GRID1: variants seen among roughly 807,000 people sequenced by gnomAD.
GRID1 encodes glutamate ionotropic receptor delta type subunit 1.
GRID1 carries 28 observed loss-of-function variants against 98.0 expected under a neutral mutation model. That is an observed-to-expected ratio of 0.29 (90% CI 0.21 to 0.39). The LOEUF is 0.39. Among genes scored for constraint, GRID1 ranks in the 10% least tolerant of loss-of-function variants. The pLI is 1.00. For missense variants in GRID1, 1,111 were observed against 1,340.5 expected (o/e 0.83, Z 2.67); for synonymous variants, 553 against 538.5 (o/e 1.03, Z -0.37).
At chr10:86,348,287 A>G (rs866954994) in intron 2 of GRID1, among the ~76,000 whole-genome samples, 2 of 152,358 alleles carry the variant, frequency 1.3e-5, no homozygotes, top group East Asian at 3.9e-4. Flanking sequence ...TCAAAGGTGC[A>G]TGTAGAAGCC....
chr10:85,902,656 T>C (rs7899922), intron 5 of GRID1, among the ~76,000 whole-genome samples: 6,849 of 151,836 alleles, frequency 0.045, 398 homozygotes, highest in African/African-American at 0.14. Flanking sequence ...GGGTATGGAG[T>C]TCTTAAATTC....
At chr10:85,735,775 G>C (rs1841873497) in intron 8 of GRID1, among the ~76,000 whole-genome samples, 2 of 151,786 alleles carry the variant, frequency 1.3e-5, no homozygotes, top group Admixed American at 1.3e-4. Context: ...GTAAATTCCT[G>C]CGAAGGGAAG....
chr10:85,852,560 G>T (rs764992550), intron 8 of GRID1, among the ~76,000 whole-genome samples: 8 of 152,238 alleles, frequency 5.3e-5, no homozygotes, highest in Admixed American at 1.3e-4. Flanking sequence ...GAGCTGGCAG[G>T]CAGGACCTAA....
At chr10:86,047,747 G>GA (rs368153285) in intron 4 of GRID1, among the ~76,000 whole-genome samples, 2 of 151,852 alleles carry the variant, frequency 1.3e-5, no homozygotes, top group East Asian at 1.9e-4. Flanking sequence ...TTTCTAGGGG[G>GA]AAAAAAATGA....
At chr10:85,901,773 C>T (rs778135759) in intron 5 of GRID1, among the ~76,000 whole-genome samples, 6 of 152,202 alleles carry the variant, frequency 3.9e-5, no homozygotes, top group Non-Finnish European at 5.9e-5. Flanking sequence ...CTTCCTCGGT[C>T]CTGCTCCCAA....
intron 12 of GRID1, chr10:85,709,030 A>T: frequency 3.3e-6 from 1 of 303,652 alleles, no homozygotes; most frequent in Non-Finnish European, 6.7e-6. Context: ...CTGCAAAGCT[A>T]AAATTGAACT....
chr10:86,203,883 ACG>A (rs1845989232), intron 3 of GRID1, among the ~76,000 whole-genome samples: 1 of 152,066 alleles, frequency 6.6e-6, no homozygotes, highest in Non-Finnish European at 1.5e-5. Flanking sequence ...GAGCCCACAC[ACG>A]GCCTCAGAAT....
chr10:86,280,265 T>A (rs547778423), intron 2 of GRID1, among the ~76,000 whole-genome samples: 1 of 152,346 alleles, frequency 6.6e-6, no homozygotes, highest in South Asian at 2.1e-4. Flanking sequence ...TTTAAAATTT[T>A]AAAAATATGA....
At chr10:85,682,852 G>T (rs756356000) in intron 12 of GRID1, among the ~76,000 whole-genome samples, 4 of 152,228 alleles carry the variant, frequency 2.6e-5, no homozygotes, top group Non-Finnish European at 5.9e-5. Flanking sequence ...AAGCCTGCCT[G>T]TTGTGAGAAT....
At chr10:86,169,744 CAGA>C (rs1404529547) in intron 3 of GRID1, among the ~76,000 whole-genome samples, 1 of 152,214 alleles carries the variant, frequency 6.6e-6, no homozygotes, top group Non-Finnish European at 1.5e-5. Flanking sequence ...CAGGAGTCCC[CAGA>C]AGATGTCCCA....
At chr10:86,352,146 C>T (rs1848472432) in intron 2 of GRID1, among the ~76,000 whole-genome samples, 1 of 152,216 alleles carries the variant, frequency 6.6e-6, no homozygotes, top group African/African-American at 2.4e-5. Flanking sequence ...ACTAAAAATA[C>T]AGCTCAGCAT....
intron 2 of GRID1, among the ~76,000 whole-genome samples, chr10:86,337,781 C>T (rs10788491): frequency 0.96 from 140,853 of 147,394 alleles, 67,398 homozygotes; most frequent in East Asian, 1. Flanking sequence ...GATCTCGGCT[C>T]ACTGAAACCT....
intron 4 of GRID1, among the ~76,000 whole-genome samples, chr10:86,132,721 A>G (rs1340025999): frequency 2.0e-5 from 3 of 152,248 alleles, no homozygotes; most frequent in Non-Finnish European, 1.5e-5. Flanking sequence ...CTATAAATGT[A>G]TTAAAAAGCA....
chr10:85,957,884 C>T (rs1986508), intron 4 of GRID1, among the ~76,000 whole-genome samples: 15,075 of 152,242 alleles, frequency 0.099, 1,656 homozygotes, highest in African/African-American at 0.27. Flanking sequence ...GGAAAGGCAG[C>T]CTCTGCAAAC....
chr10:85,747,667 G>T (rs1590215364), intron 8 of GRID1, among the ~76,000 whole-genome samples: 1 of 152,248 alleles, frequency 6.6e-6, no homozygotes, highest in Middle Eastern at 3.4e-3. Flanking sequence ...CAATAATAAA[G>T]CCTACACCAG....
At chr10:85,707,572 A>G (rs945835624) in intron 12 of GRID1, among the ~76,000 whole-genome samples, 1 of 152,224 alleles carries the variant, frequency 6.6e-6, no homozygotes, top group African/African-American at 2.4e-5. Flanking sequence ...TCAGGGATCT[A>G]GAACTAGAAG....
chr10:85,738,953 G>C (rs1450712982), intron 8 of GRID1, among the ~76,000 whole-genome samples: 2 of 152,002 alleles, frequency 1.3e-5, no homozygotes, highest in Admixed American at 6.6e-5. Context: ...ATTTGTCAGA[G>C]CTGATCAAAC....
intron 13 of GRID1, among the ~76,000 whole-genome samples, chr10:85,638,773 C>A (rs1263985340): frequency 1.3e-5 from 2 of 152,134 alleles, no homozygotes; most frequent in Admixed American, 1.3e-4. Context: ...TAACAAAAGA[C>A]TTAAGCACAC....
intron 5 of GRID1, among the ~76,000 whole-genome samples, chr10:85,899,556 T>C (rs1841349240): frequency 6.6e-6 from 1 of 152,196 alleles, no homozygotes; most frequent in African/African-American, 2.4e-5. Flanking sequence ...TGAGATCAAG[T>C]TTCTTGCCAT....
Sources: allele counts gnomAD v4.1 joint callset (sites outside exome capture counted in the v4.1 genomes callset), GRCh38; gene constraint gnomAD v4.1.1; transcripts MANE v1.5; gene names NCBI Gene and HGNC (gene_info 2026-07-23, HGNC 2026-07-21).